FRMD4A: variants seen among roughly 807,000 people sequenced by gnomAD.
The protein encoded by FRMD4A is FERM domain-containing protein 4A.
Under a neutral mutation model 129.1 loss-of-function variants are expected in FRMD4A, and 29 were observed. The observed-to-expected ratio is 0.22, with a 90% confidence interval of 0.17 to 0.31. The LOEUF is 0.31. Ranked by LOEUF, FRMD4A falls within the 10% of genes least tolerant of loss-of-function variation. The pLI, the probability that FRMD4A is intolerant of heterozygous loss-of-function variation, is 1.00. For synonymous variants in FRMD4A, 634 were observed against 571.6 expected (o/e 1.11, Z -1.56); for missense variants, 1,272 against 1,375.8 (o/e 0.92, Z 1.19).
At chr10:14,212,698 T>C (rs1379027245) in intron 2 of FRMD4A, among the ~76,000 whole-genome samples, 2 of 152,236 alleles carry the variant, frequency 1.3e-5, no homozygotes, top group Non-Finnish European at 2.9e-5. Context: ...ATTTCAAAAT[T>C]TGGAAACTGT....
intron 6 of FRMD4A, among the ~76,000 whole-genome samples, chr10:13,778,565 G>A (rs1288470206): frequency 1.3e-5 from 2 of 151,860 alleles, no homozygotes; most frequent in Non-Finnish European, 2.9e-5. Flanking sequence ...GGTAGTTACA[G>A]AAGGAAAGTG....
chr10:14,288,080 G>A (rs1845738262), intron 2 of FRMD4A, among the ~76,000 whole-genome samples: 1 of 152,012 alleles, frequency 6.6e-6, no homozygotes, highest in African/African-American at 2.4e-5. Context: ...CTGGCCCTGA[G>A]AAGAAAGACT....
chr10:13,901,625 A>G (rs2131194879), intron 2 of FRMD4A, among the ~76,000 whole-genome samples: 1 of 145,736 alleles, frequency 6.9e-6, no homozygotes, highest in African/African-American at 2.5e-5. Flanking sequence ...AAAAAAAAAA[A>G]GAATGGAAAA....
rs139125968 is a variant in FRMD4A at position 13,703,982 on chromosome 10, G to A, written c.837-2504C>T. ...ATGGCGCCACTGCATTCCAGCCTGG[G>A]GACAAAGTGAGACTCTGTCTCAAAA... On this transcript the variant is annotated intron_variant, in intron 13 of 24. Coordinates refer to ENST00000357447, the MANE Select transcript of FRMD4A (RefSeq NM_018027.5). Among the ~76,000 whole-genome samples, 1,126 of 152,086 alleles carry A rather than the reference G, an allele frequency of 7.4e-3. 9 individuals are homozygous for A. Among genetic ancestry groups the A allele is most frequent in the African/African-American group, 0.026 (1,076 of 41,480 alleles).
chr10:13,949,949 A>C (rs1019794384), intron 2 of FRMD4A, among the ~76,000 whole-genome samples: 11 of 152,280 alleles, frequency 7.2e-5, no homozygotes, highest in African/African-American at 2.7e-4. Flanking sequence ...ATAAGATGTT[A>C]GTCATTTTCC....
intron 2 of FRMD4A, among the ~76,000 whole-genome samples, chr10:14,097,468 C>A (rs1306002710): frequency 2.0e-5 from 3 of 152,112 alleles, no homozygotes; most frequent in Non-Finnish European, 4.4e-5. Flanking sequence ...ATCTTTTAAT[C>A]TTAATTTTCA....
chr10:13,993,338 G>C (rs1056888188), intron 2 of FRMD4A, among the ~76,000 whole-genome samples: 1 of 152,184 alleles, frequency 6.6e-6, no homozygotes, highest in African/African-American at 2.4e-5. Flanking sequence ...TCAAGTTCTT[G>C]CTCAAGGACT....
At chr10:14,070,712 C>T (rs974122826) in intron 2 of FRMD4A, among the ~76,000 whole-genome samples, 1 of 152,190 alleles carries the variant, frequency 6.6e-6, no homozygotes, top group Admixed American at 6.5e-5. Context: ...GTTTATTTAA[C>T]ATCTTTCTAT....
At chr10:14,022,880 T>C (rs1832823221) in intron 2 of FRMD4A, among the ~76,000 whole-genome samples, 3 of 152,100 alleles carry the variant, frequency 2.0e-5, no homozygotes, top group Non-Finnish European at 2.9e-5. Flanking sequence ...AAGGAGAGAA[T>C]GGGAAATGTA....
At chr10:13,941,407 A>T (rs183652564) in intron 2 of FRMD4A, among the ~76,000 whole-genome samples, 1 of 152,340 alleles carries the variant, frequency 6.6e-6, no homozygotes, top group East Asian at 1.9e-4. Flanking sequence ...TAAGTTACCC[A>T]GTCTGGGGTA....
chr10:14,073,646 A>T (rs1217955230), intron 2 of FRMD4A, among the ~76,000 whole-genome samples: 1 of 152,054 alleles, frequency 6.6e-6, no homozygotes, highest in Non-Finnish European at 1.5e-5. Context: ...CTGCTGTAGA[A>T]GAAGCGAACG....
chr10:14,274,999 T>C (rs1845289280), intron 2 of FRMD4A, among the ~76,000 whole-genome samples: 1 of 152,226 alleles, frequency 6.6e-6, no homozygotes, highest in South Asian at 2.1e-4. Flanking sequence ...TCCCACAAGG[T>C]GTGATCTTAG....
chr10:13,718,654 T>G (rs916666056), intron 12 of FRMD4A, among the ~76,000 whole-genome samples: 1 of 152,242 alleles, frequency 6.6e-6, no homozygotes, highest in Non-Finnish European at 1.5e-5. Context: ...GCAGATTGAC[T>G]TGGGGAAACT....
intron 2 of FRMD4A, among the ~76,000 whole-genome samples, chr10:14,283,968 C>G (rs969305161): frequency 1.3e-5 from 2 of 151,560 alleles, no homozygotes; most frequent in African/African-American, 2.4e-5. Flanking sequence ...GAAATCGATA[C>G]TTGAAGAGGT....
intron 2 of FRMD4A, among the ~76,000 whole-genome samples, chr10:14,010,850 C>T (rs1449087899): frequency 1.3e-5 from 2 of 151,850 alleles, no homozygotes; most frequent in East Asian, 1.9e-4. Flanking sequence ...TATGTTTCCC[C>T]GGAAGGGATA....
At chr10:14,313,552 A>G (rs1186110282) in intron 2 of FRMD4A, among the ~76,000 whole-genome samples, 1 of 152,166 alleles carries the variant, frequency 6.6e-6, no homozygotes, top group Non-Finnish European at 1.5e-5. Flanking sequence ...GAAAGAGACA[A>G]TGTTTTTTGT....
intron 2 of FRMD4A, among the ~76,000 whole-genome samples, chr10:14,010,784 A>C (rs1382569768): frequency 6.7e-6 from 1 of 148,740 alleles, no homozygotes; most frequent in Non-Finnish European, 1.5e-5. Context: ...TGCTAGGATT[A>C]CAGGCATGAG....
At chr10:13,867,742 T>C (rs1415550316) in intron 2 of FRMD4A, among the ~76,000 whole-genome samples, 4 of 120,656 alleles carry the variant, frequency 3.3e-5, no homozygotes, top group African/African-American at 1.3e-4. Flanking sequence ...AAATAACATA[T>C]AATATAATAT....
At chr10:13,659,184 G>GT (rs1198172155) in intron 21 of FRMD4A, 139 bp downstream of exon 21, 3 of 822,348 alleles carry the variant, frequency 3.6e-6, no homozygotes, top group Non-Finnish European at 6.1e-6. Context: ...TGCCAGCTTG[G>GT]TTTTTTATTC....
Sources: allele counts gnomAD v4.1 joint callset (sites outside exome capture counted in the v4.1 genomes callset), GRCh38; gene constraint gnomAD v4.1.1; transcripts MANE v1.5; gene names NCBI Gene and HGNC (gene_info 2026-07-23, HGNC 2026-07-21).